The following GALM variants were observed in gnomAD, a reference collection of about 807,000 sequenced individuals.
GALM encodes the protein aldose 1-epimerase.
GALM carries 43 observed loss-of-function variants against 37.4 expected under a neutral mutation model. That is an observed-to-expected ratio of 1.15 (90% CI 0.90 to 1.48). The LOEUF (loss-of-function observed/expected upper bound fraction) is 1.48. GALM is among the 40% of genes most tolerant of loss of function. The pLI is 0.00. For synonymous variants in GALM, 199 were observed against 170.6 expected (o/e 1.17, Z -1.30); for missense variants, 456 against 419.1 (o/e 1.09, Z -0.77).
At chr2:38,675,531 T>TG (rs1558577566) in intron 1 of GALM, among the ~76,000 whole-genome samples, 8 of 75,154 alleles carry the variant, frequency 1.1e-4, no homozygotes, top group African/African-American at 5.3e-4. Context: ...TTTTTGTTTT[T>TG]TTTTTTTTTT....
chr2:38,706,701 G>A (rs1666041996), intron 4 of GALM, among the ~76,000 whole-genome samples: 1 of 151,678 alleles, frequency 6.6e-6, no homozygotes, highest in South Asian at 2.1e-4. Context: ...AACTGTTCTG[G>A]TGGGACTTGA....
intron 4 of GALM, among the ~76,000 whole-genome samples, chr2:38,704,031 A>G (rs1340630433): frequency 1.4e-5 from 2 of 146,914 alleles, no homozygotes; most frequent in African/African-American, 5.2e-5. Flanking sequence ...ATAAATGAAT[A>G]AATAAATAAA....
Position 38,731,918 on chromosome 2 carries a change from A to T in GALM, c.951+9A>T. 1 of 1,612,994 alleles carries T rather than the reference A, an allele frequency of 6.2e-7. No homozygotes were observed. On this transcript the variant is annotated intron_variant, in intron 6 of 6. Coordinates refer to ENST00000272252, the MANE Select transcript of GALM (RefSeq NM_138801.3). ...CTGATGCAGTCAATCAGGTAATGCCACAGGCTGGCTTTTCAGAGTAGAGTT... is the reference window on the plus strand; with the variant it reads ...CTGATGCAGTCAATCAGGTAATGCCTCAGGCTGGCTTTTCAGAGTAGAGTT...
chr2:38,722,019 A>T (rs1015997527), intron 4 of GALM, among the ~76,000 whole-genome samples: 16 of 100,938 alleles, frequency 1.6e-4, no homozygotes, highest in Admixed American at 4.6e-4. Flanking sequence ...CTCCCCAACT[A>T]TGCCTTCCCT....
chr2:38,680,786 A>G (rs1665374987), intron 2 of GALM, among the ~76,000 whole-genome samples: 1 of 152,202 alleles, frequency 6.6e-6, no homozygotes, highest in African/African-American at 2.4e-5. Context: ...GTACAAAGTT[A>G]GAGAAAAGAG....
intron 4 of GALM, among the ~76,000 whole-genome samples, chr2:38,723,023 T>A (rs373911595): frequency 2.8e-4 from 42 of 152,322 alleles, no homozygotes; most frequent in African/African-American, 9.6e-4. Flanking sequence ...GATGCTACAA[T>A]ATACACAGTT....
chr2:38,666,356 G>C lies in GALM; in HGVS notation c.190+5G>C, dbSNP rs1006988598. ...TTGGCTTCGCCGAGTTGGAAGGTGG[G>C]TTGAACTGTGCCCTGGGCTGCGAGC... On this transcript the variant is annotated splice_donor_5th_base_variant and intron_variant, in intron 1 of 6. Transcript: ENST00000272252. The C allele has an allele frequency of 6.2e-7, 1 of 1,607,542 alleles. No homozygotes were observed. The highest frequency in any genetic ancestry group is 8.5e-7 in the Non-Finnish European group (1 of 1,175,984).
rs141604754 is a variant in GALM at position 38,711,404 on chromosome 2, G to A, written c.635-18152G>A. ...TCGAACTCCCAACCTCAGGTGATCC[G>A]CCCACCTCGGCTTCCCAAATTGCCT... On this transcript the variant is annotated intron_variant, in intron 4 of 6. Coordinates refer to ENST00000272252, the MANE Select transcript of GALM (RefSeq NM_138801.3). 4.7e-3 allele frequency among the ~76,000 whole-genome samples: 719 copies of A among 151,692 alleles called. 23 individuals carry two copies. In the East Asian group the frequency reaches 0.065, roughly 14 times the overall value.
chr2:38,689,961 A>G (rs1339234526), intron 4 of GALM, 67 bp downstream of exon 4: 1 of 828,388 alleles, frequency 1.2e-6, no homozygotes, highest in Non-Finnish European at 2.0e-6. Context: ...AAGAAAGGAC[A>G]TTAGTGGAGA....
chr2:38,669,895 CTT>C (rs35676843), intron 1 of GALM, among the ~76,000 whole-genome samples: 274 of 135,042 alleles, frequency 2.0e-3, no homozygotes, highest in African/African-American at 3.2e-3. Context: ...AAAAGTTTTT[CTT>C]TTTTTTTTTT....
At chr2:38,687,566 C>T (rs1030333872) in intron 3 of GALM, among the ~76,000 whole-genome samples, 1 of 151,788 alleles carries the variant, frequency 6.6e-6, no homozygotes, top group African/African-American at 2.4e-5. Context: ...AAAAATTAGC[C>T]TAGCATGGTG....
At chr2:38,691,813 CAA>C (rs1366648240) in intron 4 of GALM, among the ~76,000 whole-genome samples, 1 of 148,966 alleles carries the variant, frequency 6.7e-6, no homozygotes, top group African/African-American at 2.5e-5. Flanking sequence ...AAAGTGTAAA[CAA>C]ATTTAATCTC....
chr2:38,675,518 GTTTTTTTGTTTTTTTTT>G lies in GALM; in HGVS notation c.191-386_191-370del, dbSNP rs143078287. Among the ~76,000 whole-genome samples, 107 of 104,962 alleles carry G rather than the reference GTTTTTTTGTTTTTTTTT, an allele frequency of 1.0e-3. 3 individuals are homozygous for G. The East Asian group carries it at 0.021, about 21-fold the overall frequency. 68.9% of individuals were successfully genotyped at this position (104,962 alleles called of 152,430 possible). A position where few individuals can be genotyped will look rare whatever the true frequency, so the allele number is the denominator to read the frequency against. Reference sequence around the variant, plus strand: ...CATGCAACACACCTTTGGATTGAGGGTTTTTTTGTTTTTTTTTTTTTTTTTTGTGTGTGTGTGTGTGT... The same window carrying G: ...CATGCAACACACCTTTGGATTGAGGGTTTTTTTTTGTGTGTGTGTGTGTGT... On this transcript the variant is annotated intron_variant, in intron 1 of 6. Coordinates refer to ENST00000272252, the MANE Select transcript of GALM (RefSeq NM_138801.3).
At chr2:38,723,623 T>C (rs1320014948) in intron 4 of GALM, among the ~76,000 whole-genome samples, 2 of 151,942 alleles carry the variant, frequency 1.3e-5, no homozygotes, top group African/African-American at 4.8e-5. Flanking sequence ...ACCTCATCTC[T>C]ACAAAAAAAT....
chr2:38,678,249 A>T (rs1385391151), intron 2 of GALM, among the ~76,000 whole-genome samples: 1 of 152,064 alleles, frequency 6.6e-6, no homozygotes, highest in Non-Finnish European at 1.5e-5. Context: ...ACCTCAGGTG[A>T]TTCACCCACC....
In GALM at chr2:38,731,916, C is replaced by A; in HGVS notation, c.951+7C>A. The A allele has an allele frequency of 6.2e-7, 1 of 1,612,928 alleles. No homozygotes were observed. The highest frequency in any genetic ancestry group is 8.5e-7 in the Non-Finnish European group (1 of 1,179,074). On this transcript the variant is annotated splice_region_variant and intron_variant, in intron 6 of 6. Coordinates refer to ENST00000272252, the MANE Select transcript of GALM (RefSeq NM_138801.3). Reference sequence around the variant, plus strand: ...GCCTGATGCAGTCAATCAGGTAATGCCACAGGCTGGCTTTTCAGAGTAGAG... The same window carrying A: ...GCCTGATGCAGTCAATCAGGTAATGACACAGGCTGGCTTTTCAGAGTAGAG...
chr2:38,723,366 G>A (rs1019736821), intron 4 of GALM, among the ~76,000 whole-genome samples: 1 of 152,158 alleles, frequency 6.6e-6, no homozygotes, highest in Non-Finnish European at 1.5e-5. Context: ...TCGCTAAAAT[G>A]ACCTGCTGTG....
intron 4 of GALM, among the ~76,000 whole-genome samples, chr2:38,718,968 G>C (rs111226297): frequency 1.3e-5 from 2 of 152,002 alleles, no homozygotes; most frequent in African/African-American, 4.8e-5. Context: ...TCAGTGCTTG[G>C]TCAGAAGTTC....
chr2:38,706,212 C>T (rs1272179312), intron 4 of GALM, among the ~76,000 whole-genome samples: 2 of 151,230 alleles, frequency 1.3e-5, no homozygotes, highest in African/African-American at 4.9e-5. Flanking sequence ...ACGATGTTGG[C>T]CAGGCTGGTC....
Sources: allele counts gnomAD v4.1 joint callset (sites outside exome capture counted in the v4.1 genomes callset), GRCh38; gene constraint gnomAD v4.1.1; transcripts MANE v1.5; gene names NCBI Gene and HGNC (gene_info 2026-07-23, HGNC 2026-07-21).